ZFHX3: variants seen among roughly 807,000 people sequenced by gnomAD.
The protein encoded by ZFHX3 is zinc finger homeobox 3.
A neutral mutation model predicts 279.1 loss-of-function variants in ZFHX3; 42 were observed. That is an observed-to-expected ratio of 0.15 (90% CI 0.12 to 0.19). ZFHX3 has a LOEUF of 0.19. Among genes scored for constraint, ZFHX3 ranks in the 10% least tolerant of loss-of-function variants. ZFHX3 has a pLI of 1.00. For synonymous variants in ZFHX3, 2,293 were observed against 1,957.8 expected (o/e 1.17, Z -4.52); for missense variants, 4,981 against 4,754.0 (o/e 1.05, Z -1.40).
intron 5 of ZFHX3, among the ~76,000 whole-genome samples, chr16:73,163,372 A>G (rs1375872971): frequency 6.6e-6 from 1 of 152,236 alleles, no homozygotes; most frequent in African/African-American, 2.4e-5. Flanking sequence ...ACCAGGCTGC[A>G]GATTAGGGGC....
At chr16:73,088,252 C>G (rs566551465) in intron 8 of ZFHX3, among the ~76,000 whole-genome samples, 1 of 152,084 alleles carries the variant, frequency 6.6e-6, no homozygotes, top group East Asian at 1.9e-4. Flanking sequence ...CTCAAGCAAT[C>G]CTTCCACCTC....
At chr16:73,019,595 T>G (rs984199317) in intron 1 of ZFHX3, among the ~76,000 whole-genome samples, 3 of 152,196 alleles carry the variant, frequency 2.0e-5, no homozygotes, top group African/African-American at 7.2e-5. Context: ...GACCCCGCTC[T>G]GCTATCCCCA....
intron 1 of ZFHX3, among the ~76,000 whole-genome samples, chr16:73,771,746 T>C (rs988285491): frequency 2.0e-5 from 3 of 148,968 alleles, no homozygotes; most frequent in African/African-American, 5.0e-5. Context: ...CCAGTCCTTA[T>C]TGCCTTAAAG....
intron 2 of ZFHX3, chr16:73,554,413 T>C (rs1231548076): frequency 2.0e-5 from 3 of 152,120 alleles, no homozygotes; most frequent in African/African-American, 7.2e-5. Context: ...GAAAAAAAAG[T>C]GCTTCATAAT....
intron 5 of ZFHX3, among the ~76,000 whole-genome samples, chr16:73,149,817 T>C (rs1966897316): frequency 6.6e-6 from 1 of 152,172 alleles, no homozygotes; most frequent in African/African-American, 2.4e-5. Flanking sequence ...TTGTGCTATG[T>C]AGACTCACAG....
chr16:73,056,860 A>C (rs1965567034), intron 1 of ZFHX3, among the ~76,000 whole-genome samples: 1 of 152,220 alleles, frequency 6.6e-6, no homozygotes, highest in Non-Finnish European at 1.5e-5. Context: ...GCAACTAGCT[A>C]TTCTCCCAAA....
chr16:72,927,374 G>A (rs76030641), intron 3 of ZFHX3, among the ~76,000 whole-genome samples: 4,628 of 151,996 alleles, frequency 0.03, 245 homozygotes, highest in African/African-American at 0.1. Flanking sequence ...TCATTCTCCC[G>A]CTGGGATGGC....
intron 2 of ZFHX3, among the ~76,000 whole-genome samples, chr16:73,579,551 G>T (rs964172016): frequency 6.7e-6 from 1 of 150,364 alleles, no homozygotes; most frequent in Non-Finnish European, 1.5e-5. Context: ...ACCCAGGCTG[G>T]AGTGCAGTGG....
At chr16:73,703,302 G>T (rs1226337358) in intron 1 of ZFHX3, among the ~76,000 whole-genome samples, 1 of 151,818 alleles carries the variant, frequency 6.6e-6, no homozygotes, top group Non-Finnish European at 1.5e-5. Context: ...TCTCATTATG[G>T]ACAGAAAGAA....
chr16:73,013,822 G>A (rs886323113), intron 1 of ZFHX3, among the ~76,000 whole-genome samples: 1 of 152,066 alleles, frequency 6.6e-6, no homozygotes, highest in Non-Finnish European at 1.5e-5. Flanking sequence ...CTAGAGGCAC[G>A]TGGGGGTCTC....
rs1392972897 is a variant in ZFHX3, at chr16:72,960,051, A to G, written c.95T>C (p.Leu32Pro). The change falls in exon 2 of 10, where the codon CTC becomes CCC. Residue 32 changes from leucine to proline, a missense_variant. Transcript: ENST00000268489. Reference sequence around the variant, plus strand: ...CTCCATGCTACTGGGTTTGTCAGGGAGGTGGGTGCTGTTGAGTTCAGTCCA... The same window carrying G: ...CTCCATGCTACTGGGTTTGTCAGGGGGGTGGGTGCTGTTGAGTTCAGTCCA... ...QQWTELNSTH[L>P]PDKPSSMEQS... 1.2e-6 allele frequency: 2 copies of G among 1,613,824 alleles called. No individual in the cohort carries two copies. The highest frequency in any genetic ancestry group is 2.7e-5 in the African/African-American group (2 of 74,874).
intron 4 of ZFHX3, among the ~76,000 whole-genome samples, chr16:73,316,843 T>C (rs1455388446): frequency 1.3e-5 from 2 of 152,132 alleles, no homozygotes; most frequent in Non-Finnish European, 2.9e-5. Context: ...GAGAAAGAAA[T>C]TGTCATTTCT....
intron 1 of ZFHX3, among the ~76,000 whole-genome samples, chr16:73,817,097 T>G (rs1193395245): frequency 6.6e-6 from 1 of 151,586 alleles, no homozygotes; most frequent in Non-Finnish European, 1.5e-5. Context: ...GGAGAAGGAG[T>G]AATTAGGGCT....
chr16:73,846,399 C>T (rs1053567434), intron 1 of ZFHX3, among the ~76,000 whole-genome samples: 1 of 152,138 alleles, frequency 6.6e-6, no homozygotes, highest in Non-Finnish European at 1.5e-5. Context: ...AGGTGACTGA[C>T]AAATCACATT....
intron 1 of ZFHX3, among the ~76,000 whole-genome samples, chr16:72,968,012 G>GAA (rs35138870): frequency 3.1e-4 from 45 of 144,140 alleles, no homozygotes; most frequent in East Asian, 8.1e-4. Context: ...ATTATAGCAG[G>GAA]AAAAAAAAAA....
chr16:73,777,981 G>C (rs1335271039), intron 1 of ZFHX3, among the ~76,000 whole-genome samples: 1 of 151,930 alleles, frequency 6.6e-6, no homozygotes, highest in Non-Finnish European at 1.5e-5. Context: ...ACTGAGCCAT[G>C]TTCATGCCCT....
rs1024914534 is a variant in ZFHX3 at position 72,959,873 on chromosome 16, G to C, written c.273C>G (p.Leu91=). 3 of 1,603,776 alleles carry C rather than the reference G, an allele frequency of 1.9e-6. No individual in the cohort carries two copies. The highest frequency in any genetic ancestry group is 2.6e-6 in the Non-Finnish European group (3 of 1,174,052). Residue 91 remains leucine, a synonymous_variant, in exon 2 of 10, where the codon CTC becomes CTG. Transcript: ENST00000268489. ...CNECSASFAS[L]QTYMEHHCPS... is the part of the protein sequence containing the mutation. ...GGCAGTGGTGCTCCATGTAGGTCTG[G>C]AGGCTGGCAAAGGAGGCCGAACATT...
At chr16:73,281,803 G>A (rs935574716) in intron 4 of ZFHX3, among the ~76,000 whole-genome samples, 6 of 151,916 alleles carry the variant, frequency 3.9e-5, no homozygotes, top group South Asian at 2.1e-4. Flanking sequence ...TCAATTAAGC[G>A]GTTTAAGAAA....
intron 4 of ZFHX3, among the ~76,000 whole-genome samples, chr16:73,315,225 A>G (rs1192095198): frequency 1.3e-5 from 2 of 151,878 alleles, no homozygotes; most frequent in African/African-American, 4.8e-5. Flanking sequence ...AAAAGAAAAA[A>G]AAAAAAAAGA....
Sources: allele counts gnomAD v4.1 joint callset (sites outside exome capture counted in the v4.1 genomes callset), GRCh38; gene constraint gnomAD v4.1.1; transcripts MANE v1.5; gene names NCBI Gene and HGNC (gene_info 2026-07-23, HGNC 2026-07-21).